ZFR: variants seen among roughly 807,000 people sequenced by gnomAD.
ZFR encodes zinc finger RNA-binding protein.
ZFR carries 19 observed loss-of-function variants against 130.7 expected under a neutral mutation model. The ratio of observed to expected loss-of-function variants is 0.15; its 90% CI spans 0.10 to 0.21. ZFR has a LOEUF of 0.21. ZFR is among the 10% of genes least tolerant of loss of function. The pLI, the probability that ZFR is intolerant of heterozygous loss-of-function variation, is 1.00. For synonymous variants in ZFR, 466 were observed against 456.9 expected (o/e 1.02, Z -0.25); for missense variants, 872 against 1,321.5 (o/e 0.66, Z 5.27).
intron 17 of ZFR, among the ~76,000 whole-genome samples, chr5:32,367,244 C>T (rs912950068): frequency 6.6e-6 from 1 of 151,674 alleles, no homozygotes; most frequent in African/African-American, 2.4e-5. Flanking sequence ...GACCAGCCTG[C>T]CCAACATGGC....
At position 32,400,208 on chromosome 5, in the gene ZFR, A is replaced by T; in HGVS notation, c.1517-5T>A. The T allele has an allele frequency of 6.4e-7, 1 of 1,554,970 alleles. No individual in the cohort carries two copies. The highest frequency in any genetic ancestry group is 1.4e-5 in the African/African-American group (1 of 72,070). On this transcript the variant is annotated splice_region_variant and splice_polypyrimidine_tract_variant and intron_variant, in intron 8 of 19. Coordinates refer to ENST00000265069, the MANE Select transcript of ZFR (RefSeq NM_016107.5). ...TTGACTGCAGCTTATTACCACCTAG[A>T]AAAGTATCAAAAAGTTAAAAAAAAT...
At position 32,402,882 on chromosome 5, in the gene ZFR, T is replaced by A. The variant is rs139097865; in HGVS notation, c.1516+224A>T. ...TGCAGATCTTTTTTTTTTAAATGAC[T>A]AGAGGAAGACACAGATATATCTGTA... On this transcript the variant is annotated intron_variant, in intron 8 of 19. Transcript: ENST00000265069. Among the ~76,000 whole-genome samples the A allele has an allele frequency of 2.0e-3, 297 of 150,984 alleles. 1 individual carries two copies. The highest frequency in any genetic ancestry group is 7.1e-3 in the African/African-American group (290 of 41,112).
chr5:32,380,049 GA>G (rs1752902500), intron 16 of ZFR, 25 bp downstream of exon 16: 1 of 1,606,032 alleles, frequency 6.2e-7, no homozygotes, highest in Non-Finnish European at 8.5e-7. Context: ...AAGGCTACAA[GA>G]AAAAAGTAAA....
chr5:32,419,899 T>C lies in ZFR; in HGVS notation c.342A>G (p.Thr114=), dbSNP rs1387790852. The stretch of plus-strand genomic sequence containing the variant: ...TCTGAGTATAACCATAGTCAGTTGC[T>C]GTGTGTGCAGTGGGGTAGCCTCCAT... The part of the protein sequence containing the change: ...AAYGGYPTAH[T]ATDYGYTQRQ... The change falls in exon 3 of 20, where the codon ACA becomes ACG. Residue 114 remains threonine (T), a synonymous_variant. Coordinates refer to ENST00000265069, the MANE Select transcript of ZFR (RefSeq NM_016107.5). 2 of 1,613,906 alleles carry C rather than the reference T, an allele frequency of 1.2e-6. No individual in the cohort carries two copies. Among genetic ancestry groups the C allele is most frequent in the African/African-American group, 1.3e-5 (1 of 74,910 alleles).
At chr5:32,407,250 TA>T (rs2111785475) in intron 5 of ZFR, among the ~76,000 whole-genome samples, 1 of 152,006 alleles carries the variant, frequency 6.6e-6, no homozygotes, top group East Asian at 1.9e-4. Context: ...AAAGACAGTG[TA>T]AAATTTGGTC....
At chr5:32,403,645 T>A (rs895800916) in intron 7 of ZFR, among the ~76,000 whole-genome samples, 9 of 152,206 alleles carry the variant, frequency 5.9e-5, no homozygotes, top group African/African-American at 2.2e-4. Flanking sequence ...TGAACAGACT[T>A]GGCTACATTA....
chr5:32,411,186 G>C (rs937803868), intron 5 of ZFR, among the ~76,000 whole-genome samples: 1 of 152,186 alleles, frequency 6.6e-6, no homozygotes, highest in African/African-American at 2.4e-5. Context: ...AAGTGTATCT[G>C]TAATAACTTT....
intron 5 of ZFR, among the ~76,000 whole-genome samples, chr5:32,408,102 T>A (rs1332809432): frequency 6.6e-6 from 1 of 152,172 alleles, no homozygotes. Context: ...TTATTAGTTT[T>A]ACACTACCTA....
chr5:32,423,193 T>C (rs967622346), intron 2 of ZFR, among the ~76,000 whole-genome samples: 6 of 151,996 alleles, frequency 3.9e-5, no homozygotes, highest in Non-Finnish European at 8.8e-5. Context: ...ATTAGCCGCG[T>C]GTCGTGGCAT....
intron 17 of ZFR, among the ~76,000 whole-genome samples, chr5:32,369,887 C>T (rs1158731846): frequency 6.6e-6 from 1 of 151,994 alleles, no homozygotes; most frequent in Non-Finnish European, 1.5e-5. Flanking sequence ...TATCAAGTTC[C>T]AAAACATCTC....
At chr5:32,369,591 G>A (rs1227981409) in intron 17 of ZFR, among the ~76,000 whole-genome samples, 1 of 151,950 alleles carries the variant, frequency 6.6e-6, no homozygotes, top group Non-Finnish European at 1.5e-5. Flanking sequence ...GGATCCCTTG[G>A]ATCCAGGAGT....
At chr5:32,394,665 CTG>C (rs1291060642) in intron 11 of ZFR, among the ~76,000 whole-genome samples, 2 of 152,128 alleles carry the variant, frequency 1.3e-5, no homozygotes, top group East Asian at 1.9e-4. Flanking sequence ...TTACACAACT[CTG>C]TCACTGTATA....
At chr5:32,398,720 T>C (rs1753373273) in intron 9 of ZFR, among the ~76,000 whole-genome samples, 1 of 152,076 alleles carries the variant, frequency 6.6e-6, no homozygotes, top group African/African-American at 2.4e-5. Flanking sequence ...AGAGTCTCAC[T>C]CTATTGCCCA....
At chr5:32,439,456 C>A (rs563766198) in intron 2 of ZFR, among the ~76,000 whole-genome samples, 1 of 152,290 alleles carries the variant, frequency 6.6e-6, no homozygotes, top group Admixed American at 6.5e-5. Flanking sequence ...ATCAGCCTAT[C>A]CAAGCTACTG....
intron 5 of ZFR, among the ~76,000 whole-genome samples, chr5:32,414,291 A>G (rs1383364616): frequency 2.6e-5 from 4 of 152,232 alleles, no homozygotes; most frequent in Admixed American, 1.3e-4. Flanking sequence ...CATTCACAGC[A>G]TATCTTCTGG....
At chr5:32,361,176 G>C (rs547695050) in intron 19 of ZFR, among the ~76,000 whole-genome samples, 30 of 152,306 alleles carry the variant, frequency 2.0e-4, no homozygotes, top group South Asian at 2.1e-4. Context: ...CTGATTTTGA[G>C]ATAAAGGATA....
chr5:32,376,305 A>T (rs932101737), intron 17 of ZFR, among the ~76,000 whole-genome samples: 1 of 152,210 alleles, frequency 6.6e-6, no homozygotes, highest in Non-Finnish European at 1.5e-5. Context: ...TTAAATTTAC[A>T]TATACATATC....
intron 17 of ZFR, among the ~76,000 whole-genome samples, chr5:32,366,405 G>C (rs889830427): frequency 6.6e-6 from 1 of 152,164 alleles, no homozygotes; most frequent in Non-Finnish European, 1.5e-5. Context: ...TTCAAAATCT[G>C]TTTATTGATT....
In ZFR at chr5:32,373,500, T is replaced by C. The variant is rs534190665; in HGVS notation, c.2835+5615A>G. 2.6e-5 allele frequency among the ~76,000 whole-genome samples: 4 copies of C among 152,326 alleles called. No individual in the cohort carries two copies. In the South Asian group the frequency reaches 8.3e-4, roughly 32 times the overall value. ...TATGCAGCCAAAACTCTTGTGTTCG[T>C]CTTTAAACTGCAGCTTTAAAACCTC... On this transcript the variant is annotated intron_variant, in intron 17 of 19. Coordinates refer to ENST00000265069, the MANE Select transcript of ZFR (RefSeq NM_016107.5).
Sources: gnomAD v4.1 joint callset for allele counts (sites outside exome capture counted in the v4.1 genomes callset) on GRCh38, gnomAD v4.1.1 for gene constraint, MANE v1.5 for transcripts, NCBI Gene and HGNC (gene_info 2026-07-23, HGNC 2026-07-21) for gene names.